CPSF2: variants seen among roughly 807,000 people sequenced by gnomAD.
CPSF2 encodes cleavage and polyadenylation specificity factor subunit 2.
CPSF2 carries 51 observed loss-of-function variants against 84.2 expected under a neutral mutation model. The ratio of observed to expected loss-of-function variants is 0.61; its 90% CI spans 0.48 to 0.77. The LOEUF is 0.77. Ranked by LOEUF, CPSF2 falls within the 30% of genes least tolerant of loss-of-function variation. CPSF2 has a pLI of 0.00. For synonymous variants in CPSF2, 286 were observed against 311.9 expected (o/e 0.92, Z 0.87); for missense variants, 641 against 929.4 (o/e 0.69, Z 4.03).
rs1209321948 is a variant in CPSF2 at position 92,171,269 on chromosome 14, G to C, written c.*9525G>C. On this transcript the variant is annotated 3_prime_UTR_variant, in exon 16 of 16. Coordinates refer to ENST00000298875, the MANE Select transcript of CPSF2 (RefSeq NM_017437.3). ...CTTTTGGAGTTAGCTGGGACTACAG[G>C]CATGCATCACCACACCCAGATTATT... 6.6e-6 allele frequency: 1 copy of C among 152,174 alleles called. No homozygotes were observed. Among genetic ancestry groups the C allele is most frequent in the African/African-American group, 2.4e-5 (1 of 41,406 alleles). The allele number at this position is 152,174 out of a possible 1,614,324, so 9.4% of individuals were successfully genotyped here.
chr14:92,152,921 C>T (rs1371652222), intron 9 of CPSF2, among the ~76,000 whole-genome samples: 1 of 151,872 alleles, frequency 6.6e-6, no homozygotes, highest in Non-Finnish European at 1.5e-5. Flanking sequence ...TTAATCATTC[C>T]ATTTTGATGG....
intron 11 of CPSF2, 82 bp from the exon 12 acceptor site, chr14:92,156,397 A>C: frequency 8.5e-7 from 1 of 1,172,798 alleles, no homozygotes. Flanking sequence ...AGGACTCCAA[A>C]AATTATGCCA....
At chr14:92,150,438 T>G (rs78375260) in intron 9 of CPSF2, among the ~76,000 whole-genome samples, 4 of 144,032 alleles carry the variant, frequency 2.8e-5, no homozygotes, top group African/African-American at 7.6e-5. Context: ...TGTGTGTGTG[T>G]TTTTTTTTTT....
Position 92,143,266 on chromosome 14 carries a change from A to C in CPSF2, c.1112A>C (p.Asn371Thr), listed in dbSNP as rs745532536. 8 of 1,608,372 alleles carry C rather than the reference A, an allele frequency of 5.0e-6. No homozygotes were observed. Among genetic ancestry groups the C allele is most frequent in the Non-Finnish European group, 8.5e-7 (1 of 1,177,296 alleles). Residue 371 changes from asparagine (N) to threonine (T), a missense_variant, in exon 9 of 16, where the codon AAT becomes ACT. This residue lies in a region of CPSF2 where 430 missense variants were observed against 553.6 expected (regional missense o/e 0.78). Transcript: ENST00000298875. ...ACTTTAGCACGTTTCCTAATTGATA[A>C]TCCTTCTGAAAAAATTACAGAAATA... ...PGTLARFLID[N>T]PSEKITEIEL...
intron 2 of CPSF2, among the ~76,000 whole-genome samples, chr14:92,130,037 C>T (rs1431279653): frequency 6.6e-6 from 1 of 152,128 alleles, no homozygotes; most frequent in Non-Finnish European, 1.5e-5. Flanking sequence ...CGTGAGCCAC[C>T]GTGCCTGGCC....
In CPSF2 at chr14:92,167,087, C is replaced by T. The variant is rs2069458889; in HGVS notation, c.*5343C>T. On this transcript the variant is annotated 3_prime_UTR_variant, in exon 16 of 16. Coordinates refer to ENST00000298875, the MANE Select transcript of CPSF2 (RefSeq NM_017437.3). ...AGTGCTATGGCTCAATCTCAGCTCA[C>T]TGCAACCTCCGCCTCCTGGGTTCGA... is the stretch of plus-strand genomic sequence containing the variant. 1 of 150,260 alleles carries T rather than the reference C, an allele frequency of 6.7e-6. No individual in the cohort carries two copies. Among genetic ancestry groups the T allele is most frequent in the Non-Finnish European group, 1.5e-5 (1 of 67,852 alleles). The allele number at this position is 150,260 out of a possible 1,614,324, so 9.3% of individuals were successfully genotyped here. A position where few individuals can be genotyped will look rare whatever the true frequency, so the allele number is the denominator to read the frequency against.
intron 1 of CPSF2, among the ~76,000 whole-genome samples, chr14:92,124,453 ACTG>A (rs923557284): frequency 1.3e-5 from 2 of 152,202 alleles, no homozygotes; most frequent in African/African-American, 4.8e-5. Context: ...TCACCTGCTG[ACTG>A]CTAAGTTAAT....
At chr14:92,155,421 T>A in intron 11 of CPSF2, 98 bp downstream of exon 11, 1 of 977,356 alleles carries the variant, frequency 1.0e-6, no homozygotes, top group Admixed American at 2.0e-5. Context: ...TTGATCTTTC[T>A]AGTCACATGT....
At chr14:92,128,708 GC>G (rs1199855908) in intron 2 of CPSF2, among the ~76,000 whole-genome samples, 1 of 152,198 alleles carries the variant, frequency 6.6e-6, no homozygotes, top group Admixed American at 6.5e-5. Flanking sequence ...AAAGTAGTCA[GC>G]GAATTAGAGA....
chr14:92,138,086 G>A (rs1001097980), intron 6 of CPSF2, 146 bp from the exon 7 acceptor site: 1 of 431,148 alleles, frequency 2.3e-6, no homozygotes, highest in South Asian at 7.3e-5. Context: ...TGAAGTTACT[G>A]GATTTCTTAT....
At chr14:92,142,406 G>T (rs989845198) in intron 8 of CPSF2, 55 bp downstream of exon 8, 1 of 1,342,602 alleles carries the variant, frequency 7.4e-7, no homozygotes, top group Non-Finnish European at 1.0e-6. Flanking sequence ...TGGGTCTGTG[G>T]AAGTGGGCGT....
chr14:92,125,584 T>C (rs1035491450), intron 1 of CPSF2, among the ~76,000 whole-genome samples: 2 of 152,028 alleles, frequency 1.3e-5, no homozygotes, highest in Non-Finnish European at 2.9e-5. Context: ...TGATAATGAG[T>C]CTTAAAATGT....
chr14:92,150,471 AGGTT>A (rs2069200813), intron 9 of CPSF2, among the ~76,000 whole-genome samples: 1 of 150,452 alleles, frequency 6.6e-6, no homozygotes, highest in Admixed American at 6.6e-5. Flanking sequence ...TCTGTTGCCC[AGGTT>A]GGAGTGCAGA....
Position 92,161,102 on chromosome 14 carries a change from C to T in CPSF2, c.2122-10C>T, listed in dbSNP as rs2069365575. ...TTGAAGTTATTCTTTCCCCTTTGACCTTATCTAAGGTTCCTGGACATCAGT... is the reference window on the plus strand; with the variant it reads ...TTGAAGTTATTCTTTCCCCTTTGACTTTATCTAAGGTTCCTGGACATCAGT... On this transcript the variant is annotated splice_polypyrimidine_tract_variant and intron_variant, in intron 14 of 15. Transcript: ENST00000298875. The T allele has an allele frequency of 6.2e-7, 1 of 1,612,110 alleles. No individual in the cohort carries two copies. Among genetic ancestry groups the T allele is most frequent in the South Asian group, 1.1e-5 (1 of 90,778 alleles).
Position 92,155,174 on chromosome 14 carries a change from GC to G in CPSF2, c.1295del (p.Pro432HisfsTer10), listed in dbSNP as rs770720269. 3.7e-6 allele frequency: 6 copies of G among 1,613,988 alleles called. No homozygotes were observed. The East Asian group carries it at 1.3e-4, about 36-fold the overall frequency. ...GTGATATTGAGGAAGATATTGACCA[GC>G]CATCAGCTCATAAGACGAAGCATGA... ...ESDIEEDIDQPSAHKTKHDLM... is the reference protein window; with the variant it reads ...ESDIEEDIDQXSAHKTKHDLM... On this transcript the variant is annotated frameshift_variant, in exon 11 of 16. Transcript: ENST00000298875. LOFTEE classifies it high-confidence loss of function.
chr14:92,146,344 A>C (rs1595060656), intron 9 of CPSF2, among the ~76,000 whole-genome samples: 2 of 152,304 alleles, frequency 1.3e-5, no homozygotes, highest in South Asian at 4.1e-4. Context: ...ACAAAGTGAA[A>C]CCCTGTCTCT....
chr14:92,127,711 T>G (rs1415087480), intron 2 of CPSF2, among the ~76,000 whole-genome samples: 2 of 152,116 alleles, frequency 1.3e-5, no homozygotes, highest in African/African-American at 4.8e-5. Flanking sequence ...AGCGAATGAC[T>G]GAAGATGTCA....
chr14:92,154,163 G>A (rs914878872), intron 9 of CPSF2, 195 bp from the exon 10 acceptor site: 1 of 431,986 alleles, frequency 2.3e-6, no homozygotes, highest in Admixed American at 3.8e-5. Context: ...TAGATGATGT[G>A]TGACAGCTCA....
Position 92,138,337 on chromosome 14 carries a change from G to A in CPSF2, c.651G>A (p.Glu217=). The part of the protein sequence containing the change: ...YVQPRRKQRD[E]QLLTNVLETL... Reference sequence around the variant, plus strand: ...AGCCTAGAAGAAAACAGAGAGATGAGCAGCTTCTGAGTACGTATTCTTTCA... The same window carrying A: ...AGCCTAGAAGAAAACAGAGAGATGAACAGCTTCTGAGTACGTATTCTTTCA... Residue 217 remains glutamate, a synonymous_variant, in exon 7 of 16, where the codon GAG becomes GAA. Coordinates refer to ENST00000298875, the MANE Select transcript of CPSF2 (RefSeq NM_017437.3). The A allele has an allele frequency of 1.3e-6, 2 of 1,543,832 alleles. No homozygotes were observed. Among genetic ancestry groups the A allele is most frequent in the Admixed American group, 1.9e-5 (1 of 52,604 alleles).
Sources: gnomAD v4.1 joint callset for allele counts (sites outside exome capture counted in the v4.1 genomes callset) on GRCh38, gnomAD v4.1.1 for gene constraint, gnomAD v4.1.1 regional missense constraint, MANE v1.5 for transcripts, NCBI Gene and HGNC (gene_info 2026-07-23, HGNC 2026-07-21) for gene names.